Variants in ZNF423 observed in about 807,000 individuals in gnomAD.
The protein encoded by ZNF423 is zinc finger protein 423, also known as Ebf-associated zinc finger protein.
ZNF423 carries 12 observed loss-of-function variants against 95.8 expected under a neutral mutation model. The ratio of observed to expected loss-of-function variants is 0.13; its 90% confidence interval spans 0.08 to 0.20. The LOEUF (loss-of-function observed/expected upper bound fraction) is 0.20. Among genes scored for constraint, ZNF423 ranks in the 10% least tolerant of loss-of-function variants. The pLI, the probability that ZNF423 is intolerant of heterozygous loss-of-function variation, is 1.00. For synonymous variants in ZNF423, 749 were observed against 711.9 expected, an observed-to-expected ratio of 1.05 and a Z score of -0.83; for missense variants, 1,316 against 1,737.1, an observed-to-expected ratio of 0.76 and a Z score of 4.31.
upstream of ZNF423, among the ~76,000 whole-genome samples, chr16:49,858,790 C>G (rs1391120633): frequency 6.6e-6 from 1 of 151,352 alleles, no homozygotes; most frequent in Non-Finnish European, 1.5e-5. The surrounding 1 kb of genome is among the most constrained non-coding windows in gnomAD (Gnocchi z 4.3). Context: ...AGGGCCGAGG[C>G]GAGGGCAGGG....
intron 5 of ZNF423, among the ~76,000 whole-genome samples, chr16:49,560,722 C>T (rs759972472): frequency 3.9e-5 from 6 of 152,118 alleles, no homozygotes; most frequent in Admixed American, 6.5e-5. Context: ...TCCCCAGACA[C>T]GCCACAGTGT....
At chr16:49,735,046 A>G (rs749876844) in intron 2 of ZNF423, among the ~76,000 whole-genome samples, 54 of 152,088 alleles carry the variant, frequency 3.6e-4, no homozygotes, top group Non-Finnish European at 6.8e-4. Context: ...GTAAGACGCA[A>G]TGAACACCTG....
At chr16:49,706,597 C>G (rs1454543734) in intron 3 of ZNF423, among the ~76,000 whole-genome samples, 1 of 152,246 alleles carries the variant, frequency 6.6e-6, no homozygotes, top group Non-Finnish European at 1.5e-5. Context: ...AACACAGAAT[C>G]CAGGTGTCAG....
chr16:49,495,361 C>A (rs1229573044), intron 7 of ZNF423, among the ~76,000 whole-genome samples: 2 of 152,192 alleles, frequency 1.3e-5, no homozygotes, highest in Non-Finnish European at 2.9e-5. Context: ...GCACAGAAAC[C>A]TGTGTGCTGC....
rs565369314 is a variant in ZNF423 at position 49,671,334 on chromosome 16, G to A, written c.302-32460C>T. Among the ~76,000 whole-genome samples the A allele has an allele frequency of 1.4e-3, 206 of 152,318 alleles. 1 individual carries two copies. In the Middle Eastern group the frequency reaches 0.014, roughly 10 times the overall value. ...GAGCTCAAGGCCTGGCAGCAGCCAC[G>A]TCCAAAACAGACAAACCATAGGCCC... On this transcript the variant is annotated intron_variant, in intron 3 of 7. Coordinates refer to ENST00000563137, the MANE Select transcript of ZNF423 (RefSeq NM_001379286.1).
intron 5 of ZNF423, among the ~76,000 whole-genome samples, chr16:49,583,881 C>T (rs1204267792): frequency 6.6e-6 from 1 of 152,170 alleles, no homozygotes; most frequent in Non-Finnish European, 1.5e-5. Flanking sequence ...TATAAGAAAG[C>T]TAAATTCTTT....
intron 1 of ZNF423, among the ~76,000 whole-genome samples, chr16:49,819,907 GTTAGA>G (rs1174376987): frequency 6.6e-6 from 1 of 152,198 alleles, no homozygotes; most frequent in African/African-American, 2.4e-5. Context: ...TAGGCTTTGT[GTTAGA>G]TTAGTTTGCC....
chr16:49,618,358 C>G (rs1008333147), intron 5 of ZNF423, among the ~76,000 whole-genome samples: 1 of 152,170 alleles, frequency 6.6e-6, no homozygotes, highest in East Asian at 1.9e-4. Flanking sequence ...TGTGTCCCCA[C>G]CCAAATTTCA....
At chr16:49,761,636 C>A (rs1412490675) in intron 2 of ZNF423, among the ~76,000 whole-genome samples, 1 of 152,164 alleles carries the variant, frequency 6.6e-6, no homozygotes, top group Non-Finnish European at 1.5e-5. Flanking sequence ...GTATGGGAGC[C>A]CTCCTGCACC....
intron 3 of ZNF423, among the ~76,000 whole-genome samples, chr16:49,673,801 G>A (rs192268737): frequency 3.3e-5 from 5 of 152,308 alleles, no homozygotes; most frequent in Admixed American, 3.3e-4. Flanking sequence ...CGCACTCCAC[G>A]TGCCCCACAG....
chr16:49,692,467 G>A (rs1461592484), intron 3 of ZNF423, among the ~76,000 whole-genome samples: 6 of 152,236 alleles, frequency 3.9e-5, no homozygotes, highest in East Asian at 3.9e-4. Context: ...GACGTGGGAC[G>A]AGGGACTGAA....
At chr16:49,545,865 T>A (rs371272560) in intron 5 of ZNF423, among the ~76,000 whole-genome samples, 35 of 152,328 alleles carry the variant, frequency 2.3e-4, no homozygotes, top group African/African-American at 7.5e-4. Context: ...GATGGGCTCA[T>A]AAAATCTCTA....
intron 3 of ZNF423, among the ~76,000 whole-genome samples, chr16:49,643,009 C>G (rs906436627): frequency 2.0e-5 from 3 of 151,916 alleles, no homozygotes; most frequent in Non-Finnish European, 4.4e-5. Flanking sequence ...TTAGTAGAGA[C>G]AGGGTTTCAC....
upstream of ZNF423, among the ~76,000 whole-genome samples, chr16:49,858,857 A>G (rs1005985376): frequency 6.6e-6 from 1 of 151,306 alleles, no homozygotes; most frequent in East Asian, 2.0e-4. The surrounding 1 kb of genome is among the most constrained non-coding windows in gnomAD (Gnocchi z 4.3). Context: ...CCGCTCCCCC[A>G]CCCCCGCCGG....
At chr16:49,854,115 C>T (rs574913391) in intron 1 of ZNF423, 1 of 985,320 alleles carries the variant, frequency 1.0e-6, no homozygotes, top group African/African-American at 1.7e-5. Flanking sequence ...CTTGGAGTCT[C>T]TCTTCTGGTT....
chr16:49,858,538 C>T (rs527461128), upstream of ZNF423, among the ~76,000 whole-genome samples: 12 of 152,266 alleles, frequency 7.9e-5, no homozygotes, highest in South Asian at 2.5e-3. This position sits in a 1 kb window ranked among gnomAD's most constrained non-coding sequence, Gnocchi z 4.3. Flanking sequence ...CTGACAGCGG[C>T]AGCGGGCGAG....
intron 3 of ZNF423, among the ~76,000 whole-genome samples, chr16:49,660,794 G>T (rs2030174375): frequency 6.7e-6 from 1 of 149,244 alleles, no homozygotes; most frequent in Admixed American, 6.7e-5. Context: ...CCAGAGAAAT[G>T]ACATTAAAAC....
chr16:49,524,355 C>A (rs1363763038), intron 6 of ZNF423, among the ~76,000 whole-genome samples: 2 of 152,180 alleles, frequency 1.3e-5, no homozygotes, highest in Non-Finnish European at 2.9e-5. Context: ...TGTCAGCATC[C>A]TCGGGCCCCC....
chr16:49,515,629 A>C (rs1370873614), intron 7 of ZNF423, among the ~76,000 whole-genome samples: 2 of 152,230 alleles, frequency 1.3e-5, no homozygotes, highest in African/African-American at 4.8e-5. Context: ...CCTGGCCCGC[A>C]GCACAGACCT....
Sources: gnomAD v4.1 joint callset for allele counts (sites outside exome capture counted in the v4.1 genomes callset) on GRCh38, gnomAD v4.1.1 for gene constraint, Gnocchi (gnomAD v3.1) non-coding constraint, MANE v1.5 for transcripts, NCBI Gene and HGNC (gene_info 2026-07-23, HGNC 2026-07-21) for gene names.